MATCAP2: variants seen among roughly 807,000 people sequenced by gnomAD.
MATCAP2 encodes putative tyrosine carboxypeptidase MATCAP2.
chr7:36,346,970 A>G, the MATCAP2 span, among the ~76,000 whole-genome samples: 1 of 152,168 alleles, frequency 6.6e-6, no homozygotes, highest in Non-Finnish European at 1.5e-5. Context: ...CATGTTGGTC[A>G]GGCTGGTCTC....
the MATCAP2 span, among the ~76,000 whole-genome samples, chr7:36,333,076 A>C: frequency 6.6e-6 from 1 of 152,112 alleles, no homozygotes; most frequent in Admixed American, 6.5e-5. Context: ...GGCAGTGGGC[A>C]CAACTTCAGC....
the MATCAP2 span, chr7:36,333,735 AG>A: frequency 1.2e-6 from 1 of 867,100 alleles, no homozygotes. Flanking sequence ...TTCTGACCTC[AG>A]GTAACAAAGA....
At chr7:36,382,556 G>A in the MATCAP2 span, among the ~76,000 whole-genome samples, 76 of 151,954 alleles carry the variant, frequency 5.0e-4, no homozygotes, top group Non-Finnish European at 8.2e-4. Flanking sequence ...GCAGTGGCGT[G>A]ATCTCGGCTC....
chr7:36,359,383 T>C, the MATCAP2 span, among the ~76,000 whole-genome samples: 4 of 152,188 alleles, frequency 2.6e-5, no homozygotes, highest in South Asian at 8.3e-4. Flanking sequence ...GAAACTCTTA[T>C]CTAAATGTTA....
At chr7:36,334,146 C>T in the MATCAP2 span, 6 of 1,610,782 alleles carry the variant, frequency 3.7e-6, no homozygotes, top group South Asian at 1.1e-5. Context: ...GTTAATACCT[C>T]GAAAATAATG....
the MATCAP2 span, chr7:36,333,933 CTG>C: frequency 6.2e-7 from 1 of 1,614,142 alleles, no homozygotes; most frequent in Non-Finnish European, 8.5e-7. Context: ...CTTGACAAAC[CTG>C]CCAATATCTT....
chr7:36,366,804 G>C, the MATCAP2 span: 1 of 1,529,988 alleles, frequency 6.5e-7, no homozygotes, highest in Non-Finnish European at 8.7e-7. Context: ...GGGGCGCAGG[G>C]TGGAGTCCCG....
At chr7:36,381,407 A>G in the MATCAP2 span, among the ~76,000 whole-genome samples, 5 of 152,168 alleles carry the variant, frequency 3.3e-5, no homozygotes, top group Non-Finnish European at 5.9e-5. Flanking sequence ...GCGGTGGCTC[A>G]TGCCTGTAAT....
the MATCAP2 span, among the ~76,000 whole-genome samples, chr7:36,374,680 C>T: frequency 6.6e-6 from 1 of 152,030 alleles, no homozygotes; most frequent in South Asian, 2.1e-4. Flanking sequence ...TAATGCTATC[C>T]CTCCCCCTGC....
chr7:36,374,230 C>A, the MATCAP2 span, among the ~76,000 whole-genome samples: 1 of 151,730 alleles, frequency 6.6e-6, no homozygotes, highest in African/African-American at 2.4e-5. Flanking sequence ...AGGCATGAGC[C>A]ACCATGCAAG....
the MATCAP2 span, among the ~76,000 whole-genome samples, chr7:36,344,728 A>G: frequency 6.6e-6 from 1 of 152,208 alleles, no homozygotes; most frequent in African/African-American, 2.4e-5. Context: ...ATATTTTTCT[A>G]TAATAGATTT....
chr7:36,373,615 A>C, the MATCAP2 span, among the ~76,000 whole-genome samples: 1 of 152,006 alleles, frequency 6.6e-6, no homozygotes, highest in African/African-American at 2.4e-5. Flanking sequence ...TTTATTTTTT[A>C]AAAATTTTTT....
the MATCAP2 span, among the ~76,000 whole-genome samples, chr7:36,335,506 G>C: frequency 6.6e-6 from 1 of 152,354 alleles, no homozygotes; most frequent in Admixed American, 6.5e-5. Flanking sequence ...ACAGGTGCCA[G>C]AATCCAGCTC....
chr7:36,348,759 G>A, the MATCAP2 span, among the ~76,000 whole-genome samples: 1 of 152,150 alleles, frequency 6.6e-6, no homozygotes, highest in South Asian at 2.1e-4. Context: ...TTGAAAAAAG[G>A]GAAATAGAAG....
the MATCAP2 span, among the ~76,000 whole-genome samples, chr7:36,353,286 G>A: frequency 6.6e-6 from 1 of 152,098 alleles, no homozygotes; most frequent in Admixed American, 6.6e-5. Flanking sequence ...CTCAAAAAAA[G>A]ATGCTACAGG....
the MATCAP2 span, among the ~76,000 whole-genome samples, chr7:36,371,300 G>C: frequency 6.6e-6 from 1 of 152,050 alleles, no homozygotes; most frequent in African/African-American, 2.4e-5. Context: ...TTTTTGTAGA[G>C]ATGGGGTTTT....
chr7:36,333,193 A>G, the MATCAP2 span, among the ~76,000 whole-genome samples: 1 of 152,206 alleles, frequency 6.6e-6, no homozygotes, highest in Non-Finnish European at 1.5e-5. Context: ...TAAAATGATC[A>G]AAATATTGAT....
At chr7:36,333,845 G>C in the MATCAP2 span, 1 of 1,584,288 alleles carries the variant, frequency 6.3e-7, no homozygotes, top group Non-Finnish European at 8.6e-7. Flanking sequence ...CTAGAGTTAA[G>C]GGACACCCAC....
the MATCAP2 span, among the ~76,000 whole-genome samples, chr7:36,339,525 T>TA: frequency 2.0e-5 from 3 of 152,320 alleles, no homozygotes; most frequent in African/African-American, 7.2e-5. Context: ...CAAGTGCATG[T>TA]AAAATGTGAG....
Sources: allele counts gnomAD v4.1 joint callset (sites outside exome capture counted in the v4.1 genomes callset), GRCh38; gene constraint gnomAD v4.1.1; transcripts MANE v1.5; gene names NCBI Gene and HGNC (gene_info 2026-07-23, HGNC 2026-07-21).